The following CACNA1C variants were observed in gnomAD, a reference collection of about 807,000 sequenced individuals.
The protein encoded by CACNA1C is voltage-dependent L-type calcium channel subunit alpha-1C.
A neutral mutation model predicts 229.0 loss-of-function variants in CACNA1C; 30 were observed. The ratio of observed to expected loss-of-function variants is 0.13; its 90% CI spans 0.10 to 0.18. The LOEUF is 0.18. CACNA1C is among the 10% of genes least tolerant of loss of function. The pLI, the probability that CACNA1C is intolerant of heterozygous loss-of-function variation, is 1.00. For missense variants in CACNA1C, 1,658 were observed against 2,845.0 expected (o/e 0.58, Z 9.49); for synonymous variants, 1,114 against 1,132.5 (o/e 0.98, Z 0.33).
At chr12:2,501,231 AAAAGT>A (rs1361990655) in intron 7 of CACNA1C, among the ~76,000 whole-genome samples, 2 of 150,876 alleles carry the variant, frequency 1.3e-5, no homozygotes, top group African/African-American at 4.9e-5. Flanking sequence ...AAAAAAAAAA[AAAAGT>A]AAAGCAATAC....
rs1403942371 is a variant in CACNA1C at position 2,135,552 on chromosome 12, T to G, written c.477+15122T>G. On this transcript the variant is annotated intron_variant, in intron 3 of 46. Transcript: ENST00000399655. ...ACAGGACCCTCAGCTGCAGGTCTGT[T>G]GGAGTACCCTGCTGTGAGAGGTGTC... is the stretch of plus-strand genomic sequence containing the variant. Among the ~76,000 whole-genome samples, 11 of 131,592 alleles carry G rather than the reference T, an allele frequency of 8.4e-5. 1 individual carries two copies. Among genetic ancestry groups the G allele is most frequent in the East Asian group, 6.4e-4 (3 of 4,702 alleles). The allele number at this position is 131,592 out of a possible 152,430, so 86.3% of individuals were successfully genotyped here. A position where few individuals can be genotyped will look rare whatever the true frequency, so the allele number is the denominator to read the frequency against.
At chr12:1,986,515 A>G (rs1206249307) in intron 1 of CACNA1C, among the ~76,000 whole-genome samples, 2 of 152,172 alleles carry the variant, frequency 1.3e-5, no homozygotes, top group Non-Finnish European at 2.9e-5. Flanking sequence ...CTTTCTTGGG[A>G]TGTCAGGTGC....
At chr12:2,438,290 A>ATAGTGGTGATGATGGTGG (rs2099169032) in intron 3 of CACNA1C, among the ~76,000 whole-genome samples, 2 of 122,528 alleles carry the variant, frequency 1.6e-5, no homozygotes, top group African/African-American at 3.4e-5. Flanking sequence ...AGTGGTAATG[A>ATAGTGGTGATGATGGTGG]TGGTGGTGGT....
At chr12:2,019,839 T>C (rs1453402927) in intron 1 of CACNA1C, 2 of 152,224 alleles carry the variant, frequency 1.3e-5, no homozygotes, top group Non-Finnish European at 2.9e-5. Flanking sequence ...GTAGATGGTT[T>C]ATGTTTCTGT....
intron 43 of CACNA1C, 93 bp downstream of exon 43, chr12:2,682,771 T>C (rs1294721622): frequency 3.2e-6 from 4 of 1,247,168 alleles, no homozygotes; most frequent in African/African-American, 2.5e-5. Context: ...CCTCTGGGGC[T>C]GATTGCAGGA....
At chr12:2,396,328 A>G (rs1441301381) in intron 3 of CACNA1C, among the ~76,000 whole-genome samples, 3 of 152,190 alleles carry the variant, frequency 2.0e-5, no homozygotes, top group Non-Finnish European at 4.4e-5. Context: ...TTGTCTCTGC[A>G]TGCAACACTA....
At chr12:2,489,383 G>T (rs1021293668) in intron 6 of CACNA1C, among the ~76,000 whole-genome samples, 3 of 152,204 alleles carry the variant, frequency 2.0e-5, no homozygotes, top group African/African-American at 4.8e-5. Context: ...CCTCTAGACT[G>T]CCCTTCCAGG....
At position 2,135,721 on chromosome 12, in the gene CACNA1C, A is replaced by T. The variant is rs552956897; in HGVS notation, c.477+15291A>T. On this transcript the variant is annotated intron_variant, in intron 3 of 46. Coordinates refer to ENST00000399655, the MANE Select transcript of CACNA1C (RefSeq NM_000719.7). ...ACTGCTCTCTTCAAAGCTGTCAGAC[A>T]GGGACATTTAAGTCTGCAGAAGTTA... Among the ~76,000 whole-genome samples, 1,303 of 146,088 alleles carry T rather than the reference A, an allele frequency of 8.9e-3. 52 individuals carry two copies. Among genetic ancestry groups the T allele is most frequent in the Middle Eastern group, 0.024 (7 of 294 alleles).
chr12:2,314,212 C>T (rs1039561149), intron 3 of CACNA1C, among the ~76,000 whole-genome samples: 1 of 152,182 alleles, frequency 6.6e-6, no homozygotes, highest in Admixed American at 6.5e-5. Context: ...TGTTCCAGGG[C>T]CCCCTATACT....
At chr12:2,466,134 C>T (rs540116381) in intron 5 of CACNA1C, among the ~76,000 whole-genome samples, 3 of 152,090 alleles carry the variant, frequency 2.0e-5, no homozygotes, top group Non-Finnish European at 2.9e-5. Flanking sequence ...GATTAGCAAG[C>T]GGTGCCAGTT....
At chr12:2,264,697 C>A (rs538585776) in intron 3 of CACNA1C, among the ~76,000 whole-genome samples, 50 of 152,330 alleles carry the variant, frequency 3.3e-4, no homozygotes, top group African/African-American at 1.2e-3. Context: ...GCCCTTTTGG[C>A]AATCCAGTCA....
intron 30 of CACNA1C, among the ~76,000 whole-genome samples, chr12:2,642,251 C>T (rs1006892584): frequency 6.6e-6 from 1 of 152,174 alleles, no homozygotes; most frequent in Non-Finnish European, 1.5e-5. Context: ...AACTGTGTCA[C>T]TTTTTGTTTC....
At chr12:2,481,169 AGGGCTTGG>A in intron 5 of CACNA1C, among the ~76,000 whole-genome samples, 1 of 152,276 alleles carries the variant, frequency 6.6e-6, no homozygotes, top group East Asian at 1.9e-4. Context: ...TCCCAAAAGT[AGGGCTTGG>A]TGAGATGCTG....
intron 3 of CACNA1C, among the ~76,000 whole-genome samples, chr12:2,435,518 AT>A (rs1304812179): frequency 6.6e-6 from 1 of 152,148 alleles, no homozygotes; most frequent in East Asian, 1.9e-4. Context: ...GGTGCTGCTC[AT>A]TTGAATTCAC....
intron 30 of CACNA1C, among the ~76,000 whole-genome samples, chr12:2,638,075 GCAAAC>G (rs2093090477): frequency 6.6e-6 from 1 of 152,168 alleles, no homozygotes; most frequent in Non-Finnish European, 1.5e-5. Flanking sequence ...CCATCAGCTG[GCAAAC>G]CAAAAGCCCC....
chr12:2,342,296 T>C (rs1360335833), intron 3 of CACNA1C, among the ~76,000 whole-genome samples: 1 of 152,194 alleles, frequency 6.6e-6, no homozygotes. Context: ...ACCTTTTCTT[T>C]TCCCTGCCCT....
At chr12:2,143,680 C>A (rs886365318) in intron 3 of CACNA1C, among the ~76,000 whole-genome samples, 1 of 151,040 alleles carries the variant, frequency 6.6e-6, no homozygotes, top group Non-Finnish European at 1.5e-5. Flanking sequence ...ACAACAAAAT[C>A]ACCTAACGAC....
rs1195250797 is a variant in CACNA1C at position 2,115,210 on chromosome 12, C to G, written c.50-14C>G. On this transcript the variant is annotated splice_polypyrimidine_tract_variant and intron_variant, in intron 1 of 46. Coordinates refer to ENST00000399655, the MANE Select transcript of CACNA1C (RefSeq NM_000719.7). The stretch of plus-strand genomic sequence containing the variant: ...TATCTAGTAACTGTTGTGTTCTTTT[C>G]TCTTTTGCCACAGGTTCCAACTATG... 2 of 1,529,600 alleles carry G rather than the reference C, an allele frequency of 1.3e-6. No individual in the cohort carries two copies. The highest frequency in any genetic ancestry group is 2.8e-5 in the African/African-American group (2 of 72,644). 94.8% of individuals were successfully genotyped at this position (1,529,600 alleles called of 1,614,324 possible).
chr12:2,522,501 A>G (rs2154580701), intron 9 of CACNA1C, among the ~76,000 whole-genome samples: 1 of 152,304 alleles, frequency 6.6e-6, no homozygotes, highest in East Asian at 1.9e-4. Context: ...ATGGGCAGAA[A>G]TGATTTGGCG....
Sources: allele counts gnomAD v4.1 joint callset (sites outside exome capture counted in the v4.1 genomes callset), GRCh38; gene constraint gnomAD v4.1.1; transcripts MANE v1.5; gene names NCBI Gene and HGNC (gene_info 2026-07-23, HGNC 2026-07-21).